Variants in PCDH15 observed in about 807,000 individuals in gnomAD.
PCDH15 encodes the protein protocadherin-15.
PCDH15 carries 129 observed loss-of-function variants against 178.5 expected under a neutral mutation model. The ratio of observed to expected loss-of-function variants is 0.72; its 90% CI spans 0.63 to 0.84. PCDH15 has a LOEUF of 0.84. Ranked by LOEUF, PCDH15 falls within the 40% of genes least tolerant of loss-of-function variation. The pLI is 0.00. For missense variants in PCDH15, 2,230 were observed against 2,099.9 expected, an observed-to-expected ratio of 1.06 and a Z score of -1.21; for synonymous variants, 800 against 732.0, an observed-to-expected ratio of 1.09 and a Z score of -1.50.
rs561830249 is a variant in PCDH15 at position 54,355,169 on chromosome 10, T to C, written c.475-8685A>G. ...AAATGGCTAAAACCTGCACTAAGTATTTTAAAAGTATCACCTCCTTTAATC... is the reference window on the plus strand; with the variant it reads ...AAATGGCTAAAACCTGCACTAAGTACTTTAAAAGTATCACCTCCTTTAATC... On this transcript the variant is annotated intron_variant, in intron 5 of 37. Coordinates refer to ENST00000644397, the MANE Select transcript of PCDH15 (RefSeq NM_001384140.1). Among the ~76,000 whole-genome samples the C allele has an allele frequency of 1.7e-4, 25 of 149,644 alleles. No individual in the cohort carries two copies. In the East Asian group the frequency reaches 4.9e-3, roughly 29 times the overall value.
intron 2 of PCDH15, among the ~76,000 whole-genome samples, chr10:55,447,887 T>G (rs1246061278): frequency 1.3e-5 from 2 of 151,894 alleles, no homozygotes; most frequent in Non-Finnish European, 1.5e-5. Context: ...AAATCCTTGT[T>G]TTTCACAGCT....
chr10:54,107,701 G>A (rs745684509), intron 15 of PCDH15, among the ~76,000 whole-genome samples: 22 of 152,268 alleles, frequency 1.4e-4, no homozygotes, highest in Non-Finnish European at 2.8e-4. Context: ...TAGACTGAGT[G>A]ATATCAGGCT....
At chr10:55,406,504 T>TCATC (rs1284308003) in intron 2 of PCDH15, among the ~76,000 whole-genome samples, 1 of 152,146 alleles carries the variant, frequency 6.6e-6, no homozygotes, top group African/African-American at 2.4e-5. Context: ...GAGTTAAAGA[T>TCATC]GATGCCAGGG....
At chr10:54,996,081 G>A (rs1839636689) in intron 2 of PCDH15, among the ~76,000 whole-genome samples, 1 of 152,232 alleles carries the variant, frequency 6.6e-6, no homozygotes, top group South Asian at 2.1e-4. Context: ...TAGCATTTCA[G>A]TAACAGATTT....
chr10:54,658,978 A>AG (rs1258448323), intron 2 of PCDH15, among the ~76,000 whole-genome samples: 2 of 150,706 alleles, frequency 1.3e-5, no homozygotes, highest in Non-Finnish European at 3.0e-5. Context: ...AACAAAGATC[A>AG]GGGGTGCTAT....
intron 2 of PCDH15, among the ~76,000 whole-genome samples, chr10:55,147,292 A>T (rs1388150912): frequency 2.6e-5 from 4 of 151,648 alleles, no homozygotes; most frequent in Admixed American, 6.6e-5. Context: ...AAGTAAAATT[A>T]AGTATTTTCA....
chr10:55,459,155 G>T (rs1044358552), intron 2 of PCDH15, among the ~76,000 whole-genome samples: 3 of 143,240 alleles, frequency 2.1e-5, no homozygotes, highest in Non-Finnish European at 4.5e-5. Flanking sequence ...GTTCAGGAAA[G>T]AATTGATTAT....
intron 2 of PCDH15, among the ~76,000 whole-genome samples, chr10:55,140,529 C>G (rs1251368387): frequency 1.3e-5 from 2 of 151,874 alleles, no homozygotes; most frequent in Non-Finnish European, 2.9e-5. Flanking sequence ...ACGTATTGAA[C>G]TAGCCTTACA....
chr10:54,374,829 A>T (rs1199048415), intron 4 of PCDH15, among the ~76,000 whole-genome samples: 3 of 152,048 alleles, frequency 2.0e-5, no homozygotes, highest in Admixed American at 2.0e-4. Flanking sequence ...TTAAATACAA[A>T]TATCTGAGCG....
chr10:54,909,570 T>G (rs1182863714), intron 2 of PCDH15, among the ~76,000 whole-genome samples: 1 of 152,068 alleles, frequency 6.6e-6, no homozygotes, highest in Non-Finnish European at 1.5e-5. Context: ...AGCAGTCACT[T>G]CTGAGCCTGC....
intron 8 of PCDH15, among the ~76,000 whole-genome samples, chr10:54,241,530 A>T (rs1006997474): frequency 7.2e-5 from 11 of 152,206 alleles, no homozygotes; most frequent in African/African-American, 2.7e-4. Context: ...TCAAGTCAAG[A>T]AACACAGAAA....
chr10:55,497,157 T>C (rs957716914), intron 2 of PCDH15, among the ~76,000 whole-genome samples: 1 of 151,932 alleles, frequency 6.6e-6, no homozygotes, highest in Non-Finnish European at 1.5e-5. Flanking sequence ...TGAGACAGCA[T>C]CTTGCTTTGT....
At position 53,840,313 on chromosome 10, in the gene PCDH15, C is replaced by CACTT; in HGVS notation, c.3983+3_3983+6dup. On this transcript the variant is annotated splice_region_variant and intron_variant, in intron 29 of 37. Transcript: ENST00000644397. ...AAGAGCTGTTACAGATAACAAAAAG[C>CACTT]ACTTACTTAAAAAGCTCATTTCTAT... 1.2e-6 allele frequency: 2 copies of CACTT among 1,613,578 alleles called. No individual in the cohort carries two copies. The highest frequency in any genetic ancestry group is 2.2e-5 in the South Asian group (2 of 91,064).
intron 1 of PCDH15, among the ~76,000 whole-genome samples, chr10:55,178,028 T>G (rs530153899): frequency 6.6e-6 from 1 of 152,294 alleles, no homozygotes; most frequent in Non-Finnish European, 1.5e-5. Context: ...GAAAGCAGTT[T>G]ACAATTATAC....
At chr10:54,784,483 CA>C (rs926225284) in intron 1 of PCDH15, among the ~76,000 whole-genome samples, 7 of 151,796 alleles carry the variant, frequency 4.6e-5, no homozygotes, top group African/African-American at 1.7e-4. Context: ...AAAAGTTGGT[CA>C]AAAATACTAT....
chr10:54,855,412 A>G (rs540493637), intron 3 of PCDH15, among the ~76,000 whole-genome samples: 22 of 152,318 alleles, frequency 1.4e-4, no homozygotes, highest in African/African-American at 4.1e-4. Flanking sequence ...ATCCCAACTC[A>G]GAAGAGATGG....
intron 3 of PCDH15, among the ~76,000 whole-genome samples, chr10:54,865,045 A>G (rs556705287): frequency 2.0e-5 from 3 of 152,288 alleles, no homozygotes; most frequent in Admixed American, 6.5e-5. Context: ...GTGATGGTTA[A>G]TATTATGTAT....
chr10:53,960,278 C>CA (rs1176319637), intron 22 of PCDH15, among the ~76,000 whole-genome samples: 9 of 151,998 alleles, frequency 5.9e-5, no homozygotes, highest in Non-Finnish European at 8.8e-5. Context: ...TTATCTTGCT[C>CA]AAAAAAGAAA....
rs1838205902 is a variant in PCDH15, at chr10:54,946,593, C to T, written c.-79-49093G>A. Among the ~76,000 whole-genome samples, 3 of 151,772 alleles carry T rather than the reference C, an allele frequency of 2.0e-5. No individual in the cohort carries two copies. The South Asian group carries it at 6.2e-4, about 31-fold the overall frequency. On this transcript the variant is annotated intron_variant, in intron 2 of 5. Coordinates refer to the PCDH15 transcript ENST00000458638. ...ACCATACATTAGGAAACACCCCCGC[C>T]CCTGACAATTTCAAATAATAGTTTA...
Sources: gnomAD v4.1 joint callset for allele counts (sites outside exome capture counted in the v4.1 genomes callset) on GRCh38, gnomAD v4.1.1 for gene constraint, MANE v1.5 for transcripts, NCBI Gene and HGNC (gene_info 2026-07-23, HGNC 2026-07-21) for gene names.